Variants in DNAH6 observed in about 807,000 individuals in gnomAD.
DNAH6 encodes the protein dynein axonemal heavy chain 6.
DNAH6 carries 340 observed loss-of-function variants against 491.4 expected under a neutral mutation model. That is an observed-to-expected ratio of 0.69 (90% CI 0.63 to 0.76). The LOEUF is 0.76. DNAH6 is among the 30% of genes least tolerant of loss of function. The pLI is 0.00. For missense variants in DNAH6, 4,443 were observed against 4,972.2 expected, an observed-to-expected ratio of 0.89 and a Z score of 3.20; for synonymous variants, 1,603 against 1,686.1, an observed-to-expected ratio of 0.95 and a Z score of 1.21.
intron 64 of DNAH6, among the ~76,000 whole-genome samples, chr2:84,772,021 T>G (rs1467726126): frequency 6.6e-6 from 1 of 152,178 alleles, no homozygotes; most frequent in Non-Finnish European, 1.5e-5. Context: ...TATAAATATA[T>G]GTTGGTCATG....
chr2:84,811,706 C>A (rs1266095307), intron 72 of DNAH6, among the ~76,000 whole-genome samples: 1 of 152,058 alleles, frequency 6.6e-6, no homozygotes. Context: ...ACTAAAAATA[C>A]AAAAATTATC....
chr2:84,636,048 A>C (rs548281302), intron 30 of DNAH6, among the ~76,000 whole-genome samples: 1 of 152,248 alleles, frequency 6.6e-6, no homozygotes, highest in African/African-American at 2.4e-5. Context: ...CTCCCAACTT[A>C]CACCTCTTGA....
chr2:84,744,081 A>T (rs566778784), intron 62 of DNAH6, among the ~76,000 whole-genome samples: 16 of 152,286 alleles, frequency 1.1e-4, no homozygotes, highest in African/African-American at 3.6e-4. Context: ...CCATATATAA[A>T]TTATAAATCT....
rs1219434731 is a variant in DNAH6 at position 84,653,596 on chromosome 2, G to A, written c.5356G>A (p.Val1786Ile). The change falls in exon 34 of 77, where the codon GTT becomes ATT. Residue 1786 changes from valine (V) to isoleucine (I), a missense_variant. Physicochemically the swap from Val to Ile is conservative, Grantham distance 29. Transcript: ENST00000389394. Reference sequence around the variant, plus strand: ...GATAGAAAATTCCTTTTACCAAGCAGTTAAAACATATGTTCTCAACCCTAA... The same window carrying A: ...GATAGAAAATTCCTTTTACCAAGCAATTAAAACATATGTTCTCAACCCTAA... The part of the protein sequence containing the change: ...LGIENSFYQA[V>I]KTYVLNPKSI... 6 of 1,551,322 alleles carry A rather than the reference G, an allele frequency of 3.9e-6. No homozygotes were observed. The highest frequency in any genetic ancestry group is 4.4e-6 in the Non-Finnish European group (5 of 1,146,736).
chr2:84,489,881 T>C, the DNAH6 span, among the ~76,000 whole-genome samples: 75 of 152,310 alleles, frequency 4.9e-4, no homozygotes, highest in Non-Finnish European at 5.7e-4. Context: ...AAAATTTTCA[T>C]TTCTAACGAG....
intron 13 of DNAH6, 133 bp downstream of exon 13, chr2:84,577,541 T>A: frequency 1.5e-6 from 1 of 654,780 alleles, no homozygotes; most frequent in East Asian, 3.2e-5. Context: ...TGGACATCCT[T>A]AATTTCTAAG....
At chr2:84,490,404 C>A in the DNAH6 span, among the ~76,000 whole-genome samples, 3 of 152,002 alleles carry the variant, frequency 2.0e-5, no homozygotes. Flanking sequence ...ATAACCATCA[C>A]CACAATCAAA....
In DNAH6 at chr2:84,672,327, G is replaced by T. The variant is rs1692814188; in HGVS notation, c.6455G>T (p.Gly2152Val). Residue 2152 changes from glycine (G) to valine (V), a missense_variant and splice_region_variant, in exon 40 of 77, where the codon GGA becomes GTA. Transcript: ENST00000389394. ...KLERKRKNIL[G>V]APGNKRIVIF... ...AATTAAATTCATTTTATTTCCCTAGGAGCACCGGGAAACAAACGAATTGTG... is the reference window on the plus strand; with the variant it reads ...AATTAAATTCATTTTATTTCCCTAGTAGCACCGGGAAACAAACGAATTGTG... 1 of 1,545,802 alleles carries T rather than the reference G, an allele frequency of 6.5e-7. No individual in the cohort carries two copies. The highest frequency in any genetic ancestry group is 2.0e-5 in the Admixed American group (1 of 49,868).
intron 33 of DNAH6, among the ~76,000 whole-genome samples, chr2:84,651,822 CT>C (rs1690477830): frequency 6.6e-6 from 1 of 152,132 alleles, no homozygotes; most frequent in African/African-American, 2.4e-5. Flanking sequence ...TCTGTTCCAT[CT>C]TTCTGGAGAA....
chr2:84,773,221 C>T (rs1374327437), intron 64 of DNAH6, among the ~76,000 whole-genome samples: 1 of 151,994 alleles, frequency 6.6e-6, no homozygotes, highest in Non-Finnish European at 1.5e-5. Context: ...CTCTCTTCCT[C>T]CCCTATCTGG....
At chr2:84,511,531 G>A (rs552833594), upstream of DNAH6, among the ~76,000 whole-genome samples, 100 of 152,144 alleles carry the variant, frequency 6.6e-4, 6 homozygotes, top group South Asian at 0.017. Context: ...CGGGTGAGGC[G>A]ATGCCTCGCC....
chr2:84,718,413 A>G, intron 59 of DNAH6, 29 bp downstream of exon 59: 1 of 1,479,248 alleles, frequency 6.8e-7, no homozygotes. Context: ...GTACTTATGG[A>G]AAGTATGTTA....
At chr2:84,493,103 T>A in the DNAH6 span, among the ~76,000 whole-genome samples, 1 of 152,128 alleles carries the variant, frequency 6.6e-6, no homozygotes, top group African/African-American at 2.4e-5. Flanking sequence ...TTTTATTTAC[T>A]ATTTTAAAGG....
At chr2:84,744,963 A>G (rs1672827162) in intron 62 of DNAH6, 117 bp from the exon 63 acceptor site, 1 of 640,516 alleles carries the variant, frequency 1.6e-6, no homozygotes, top group Non-Finnish European at 2.5e-6. Flanking sequence ...TATTTATAGT[A>G]TACTTGTGGT....
chr2:84,589,729 A>AAT (rs1467631361), intron 16 of DNAH6, among the ~76,000 whole-genome samples: 16 of 151,664 alleles, frequency 1.1e-4, no homozygotes, highest in Non-Finnish European at 1.9e-4. Context: ...AAAAAAAAAA[A>AAT]AAGAAAGGTA....
chr2:84,492,388 T>C, the DNAH6 span, among the ~76,000 whole-genome samples: 1 of 152,182 alleles, frequency 6.6e-6, no homozygotes, highest in African/African-American at 2.4e-5. Context: ...GAACAGACTG[T>C]CAACCAACCC....
chr2:84,512,224 A>T (rs1230809400), upstream of DNAH6, among the ~76,000 whole-genome samples: 2 of 152,192 alleles, frequency 1.3e-5, no homozygotes, highest in African/African-American at 2.4e-5. Context: ...TGGATAATTC[A>T]TAAAGAACAA....
At chr2:84,597,028 A>G (rs146391815) in intron 18 of DNAH6, among the ~76,000 whole-genome samples, 2,308 of 152,340 alleles carry the variant, frequency 0.015, 41 homozygotes, top group Admixed American at 0.045. Flanking sequence ...CAATAGTACC[A>G]TACAGAACAA....
chr2:84,555,967 C>G (rs571347379), intron 10 of DNAH6, among the ~76,000 whole-genome samples: 1 of 152,308 alleles, frequency 6.6e-6, no homozygotes, highest in East Asian at 1.9e-4. Context: ...CTGCCTGCCT[C>G]TCTCCCTTCT....
Sources: gnomAD v4.1 joint callset for allele counts (sites outside exome capture counted in the v4.1 genomes callset) on GRCh38, gnomAD v4.1.1 for gene constraint, MANE v1.5 for transcripts, NCBI Gene and HGNC (gene_info 2026-07-23, HGNC 2026-07-21) for gene names.